The following FCN2 variants were observed in gnomAD, a reference collection of about 807,000 sequenced individuals.
FCN2 encodes the protein ficolin 2.
FCN2 carries 31 observed loss-of-function variants against 32.5 expected under a neutral mutation model. The observed-to-expected ratio is 0.96, with a 90% CI of 0.72 to 1.29. The LOEUF is 1.29. Among genes scored for constraint, FCN2 ranks in the 50% most tolerant of loss-of-function variants. FCN2 has a pLI of 0.00. For missense variants in FCN2, 412 were observed against 406.5 expected (o/e 1.01, Z -0.12); for synonymous variants, 181 against 164.5 (o/e 1.10, Z -0.77).
chr9:134,882,444 T>G (rs906853932), intron 1 of FCN2, 82 bp from the exon 2 acceptor site: 2 of 1,152,554 alleles, frequency 1.7e-6, no homozygotes, highest in Non-Finnish European at 2.6e-6. Flanking sequence ...GGCAGATGCC[T>G]TTCAGTTGAG....
Position 134,880,866 on chromosome 9 carries a change from G to T in FCN2, c.45G>T (p.Leu15=), listed in dbSNP as rs367910468. ...TGGGGGTCCTGGGCGCTGCCACCCT[G>T]CTGCTCTCTTTCCTGGGCATGGCCT... The part of the protein sequence containing the change: ...RAVGVLGAAT[L]LLSFLGMAWA... The change falls in exon 1 of 8, where the codon CTG becomes CTT. Residue 15 remains leucine, a synonymous_variant. Transcript: ENST00000291744. The T allele has an allele frequency of 1.9e-6, 3 of 1,613,606 alleles. No individual in the cohort carries two copies. The African/African-American group carries it at 4.0e-5, about 22-fold the overall frequency.
the FCN2 span, among the ~76,000 whole-genome samples, chr9:134,872,841 A>T: frequency 2.0e-5 from 3 of 152,142 alleles, no homozygotes; most frequent in Admixed American, 2.0e-4. Context: ...GTATGTTTTT[A>T]ACTTTTTCCA....
intron 3 of FCN2, 124 bp from the exon 4 acceptor site, chr9:134,884,616 C>T (rs1010603345): frequency 2.0e-6 from 2 of 978,922 alleles, no homozygotes; most frequent in African/African-American, 3.2e-5. Context: ...TCAGGGACTC[C>T]TTGGCTGGAC....
At chr9:134,886,042 C>T (rs755582834) in intron 6 of FCN2, 145 bp downstream of exon 6, 30 of 843,120 alleles carry the variant, frequency 3.6e-5, no homozygotes, top group East Asian at 8.0e-5. Flanking sequence ...CTGGGACCTC[C>T]GAGGGCTTCG....
chr9:134,884,457 G>C (rs1256786232), intron 3 of FCN2, among the ~76,000 whole-genome samples: 31 of 152,190 alleles, frequency 2.0e-4, no homozygotes, highest in Admixed American at 2.0e-3. Context: ...GAAGATCCAG[G>C]CTTCCTTTAG....
rs1288764133 is a variant in FCN2 at position 134,884,642 on chromosome 9, C to T, written c.269-98C>T. The T allele has an allele frequency of 3.2e-6, 4 of 1,253,032 alleles. No homozygotes were observed. The Admixed American group carries it at 7.0e-5, about 22-fold the overall frequency. The allele number at this position is 1,253,032 out of a possible 1,614,324, so 77.6% of individuals were successfully genotyped here. ...TTGGCTGGACCCATACCATCACCTC[C>T]TGGGGAGGCCCAGAAAATGGTGTCC... On this transcript the variant is annotated intron_variant, in intron 3 of 7. Coordinates refer to ENST00000291744, the MANE Select transcript of FCN2 (RefSeq NM_004108.3).
At chr9:134,868,210 C>T in the FCN2 span, 74 of 152,410 alleles carry the variant, frequency 4.9e-4, no homozygotes, top group African/African-American at 1.7e-3. This position sits in a 1 kb window ranked among gnomAD's most constrained non-coding sequence, Gnocchi z 4.3. Flanking sequence ...GGAGAATGCC[C>T]TATTTTTCCC....
chr9:134,885,543 T>C (rs957959994), intron 5 of FCN2, among the ~76,000 whole-genome samples, 177 bp downstream of exon 5: 2 of 152,036 alleles, frequency 1.3e-5, no homozygotes, highest in Non-Finnish European at 2.9e-5. Context: ...TGGGAGAGGT[T>C]GGGTGCTCTC....
intron 4 of FCN2, 105 bp from the exon 5 acceptor site, chr9:134,885,134 T>A: frequency 6.7e-7 from 1 of 1,488,936 alleles, no homozygotes; most frequent in Non-Finnish European, 9.2e-7. Flanking sequence ...GCTCTGTTCA[T>A]ACAGACGCCT....
At chr9:134,884,882 A>G in intron 4 of FCN2, 110 bp downstream of exon 4, 1 of 1,025,944 alleles carries the variant, frequency 9.7e-7, no homozygotes, top group Non-Finnish European at 1.5e-6. Context: ...GAACAGAAGA[A>G]AATGGTTGCT....
At chr9:134,870,973 C>T in the FCN2 span, among the ~76,000 whole-genome samples, 1 of 152,176 alleles carries the variant, frequency 6.6e-6, no homozygotes, top group Non-Finnish European at 1.5e-5. The surrounding 1 kb of genome is among the most constrained non-coding windows in gnomAD (Gnocchi z 4.3). Context: ...TGCCCTCTGA[C>T]CCCAGAGTCA....
At chr9:134,878,234 G>A (rs1225572036), upstream of FCN2, among the ~76,000 whole-genome samples, 1 of 152,092 alleles carries the variant, frequency 6.6e-6, no homozygotes, top group Non-Finnish European at 1.5e-5. Flanking sequence ...TATTAGTTCT[G>A]TCCCTGATTA....
intron 7 of FCN2, 89 bp from the exon 8 acceptor site, chr9:134,887,078 AC>A: frequency 6.8e-7 from 1 of 1,463,404 alleles, no homozygotes; most frequent in Non-Finnish European, 9.6e-7. Flanking sequence ...TACATGGAGG[AC>A]ACACCAGGCC....
At chr9:134,882,328 GACC>G (rs933353606) in intron 1 of FCN2, among the ~76,000 whole-genome samples, 195 bp from the exon 2 acceptor site, 2 of 152,252 alleles carry the variant, frequency 1.3e-5, no homozygotes, top group Non-Finnish European at 2.9e-5. Context: ...GGTGAGGACA[GACC>G]AAGTGCCCAC....
At position 134,885,825 on chromosome 9, in the gene FCN2, A is replaced by C. The variant is rs1435362769; in HGVS notation, c.487A>C (p.Lys163Gln). The C allele has an allele frequency of 6.2e-7, 1 of 1,613,876 alleles. No homozygotes were observed. The highest frequency in any genetic ancestry group is 8.5e-7 in the Non-Finnish European group (1 of 1,179,940). Residue 163 changes from lysine (K) to glutamine (Q), a missense_variant, in exon 6 of 8, where the codon AAG becomes CAG. Transcript: ENST00000291744. ...VDFYRDWATY[K>Q]QGFGSRLGEF... Reference sequence around the variant, plus strand: ...CTTCTACCGGGACTGGGCCACGTACAAGCAGGGCTTCGGCAGTCGGCTGGG... The same window carrying C: ...CTTCTACCGGGACTGGGCCACGTACCAGCAGGGCTTCGGCAGTCGGCTGGG...
At chr9:134,885,942 G>A (rs12684723) in intron 6 of FCN2, 45 bp downstream of exon 6, 183,300 of 1,573,252 alleles carry the variant, frequency 0.12, 11,329 homozygotes, top group African/African-American at 0.19. Flanking sequence ...CCTGAATGGG[G>A]GTGCCCCTGC....
the FCN2 span, among the ~76,000 whole-genome samples, chr9:134,874,341 AT>A: frequency 6.6e-6 from 1 of 152,162 alleles, no homozygotes; most frequent in Non-Finnish European, 1.5e-5. Context: ...TGGAAGTTTT[AT>A]ACTTTTCTAT....
chr9:134,871,130 C>A, the FCN2 span, among the ~76,000 whole-genome samples: 3 of 152,174 alleles, frequency 2.0e-5, no homozygotes, highest in Admixed American at 2.0e-4. Context: ...AGTGGGCAGG[C>A]CTGGGTTTTA....
intron 1 of FCN2, 103 bp from the exon 2 acceptor site, chr9:134,882,423 G>A: frequency 1.0e-6 from 1 of 970,540 alleles, no homozygotes. Flanking sequence ...CAGTCCTGAT[G>A]TCACCAAGAT....
Sources: gnomAD v4.1 joint callset for allele counts (sites outside exome capture counted in the v4.1 genomes callset) on GRCh38, gnomAD v4.1.1 for gene constraint, Gnocchi (gnomAD v3.1) non-coding constraint, MANE v1.5 for transcripts, NCBI Gene and HGNC (gene_info 2026-07-23, HGNC 2026-07-21) for gene names.